Variants in HMGN5 observed in about 807,000 individuals in gnomAD.
The protein encoded by HMGN5 is high mobility group nucleosome binding domain 5, also known as high mobility group nucleosome-binding domain-containing protein 5.
A neutral mutation model predicts 9.5 loss-of-function variants in HMGN5; 4 were observed. The ratio of observed to expected loss-of-function variants is 0.42; its 90% confidence interval spans 0.21 to 0.96. HMGN5 has a LOEUF of 0.96. HMGN5 is among the 40% of genes least tolerant of loss of function. HMGN5 has a pLI of 0.30. For synonymous variants in HMGN5, 55 were observed against 57.1 expected, an observed-to-expected ratio of 0.96 and a Z score of 0.16; for missense variants, 192 against 187.5, an observed-to-expected ratio of 1.02 and a Z score of -0.14.
At chrX:81,136,705 C>T (rs1203033642) in intron 1 of HMGN5, among the ~76,000 whole-genome samples, 1 of 111,190 alleles carries the variant, frequency 9.0e-6, no homozygotes, top group Non-Finnish European at 1.9e-5. Flanking sequence ...TCTAACATAT[C>T]AATAATAACC....
chrX:81,179,394 C>G (rs1314971885), intron 1 of HMGN5, among the ~76,000 whole-genome samples: 1 of 111,471 alleles, frequency 9.0e-6, no homozygotes, highest in East Asian at 2.8e-4. Context: ...CACAAGCATT[C>G]TTATACACCA....
intron 1 of HMGN5, among the ~76,000 whole-genome samples, chrX:81,185,217 T>C (rs1429145938): frequency 8.9e-6 from 1 of 112,126 alleles, no homozygotes; most frequent in Non-Finnish European, 1.9e-5. Flanking sequence ...GCTATGAATA[T>C]TTTAACAATA....
At chrX:81,175,738 T>G (rs1417393237) in intron 1 of HMGN5, among the ~76,000 whole-genome samples, 1 of 111,424 alleles carries the variant, frequency 9.0e-6, no homozygotes, top group Non-Finnish European at 1.9e-5. Flanking sequence ...GGAGCATGCC[T>G]TTACCCCGTT....
intron 1 of HMGN5, among the ~76,000 whole-genome samples, chrX:81,139,867 G>T (rs1253991731): frequency 5.4e-5 from 6 of 112,140 alleles, no homozygotes; most frequent in Non-Finnish European, 9.4e-5. Context: ...CCTCATCACG[G>T]AGGGCTCCAG....
At chrX:81,200,255 G>T (rs1247633276) in intron 1 of HMGN5, among the ~76,000 whole-genome samples, 1 of 112,070 alleles carries the variant, frequency 8.9e-6, no homozygotes, top group Non-Finnish European at 1.9e-5. Context: ...CTTTTATACT[G>T]TTGGTGGGAG....
intron 1 of HMGN5, among the ~76,000 whole-genome samples, chrX:81,130,161 T>TA (rs2075294719): frequency 9.0e-6 from 1 of 111,067 alleles, no homozygotes; most frequent in Non-Finnish European, 1.9e-5. Flanking sequence ...GTCTGGAAGG[T>TA]AATGATCATA....
intron 1 of HMGN5, among the ~76,000 whole-genome samples, chrX:81,159,331 T>C (rs1298599329): frequency 9.0e-6 from 1 of 111,240 alleles, no homozygotes; most frequent in Non-Finnish European, 1.9e-5. Context: ...CAAACCACCA[T>C]GGCACACTTT....
chrX:81,183,737 G>A (rs1240272938), intron 1 of HMGN5, among the ~76,000 whole-genome samples: 2 of 112,911 alleles, frequency 1.8e-5, no homozygotes, highest in Non-Finnish European at 3.7e-5. Context: ...CCCTGGATGT[G>A]AGACATTGGT....
intron 1 of HMGN5, among the ~76,000 whole-genome samples, chrX:81,198,061 G>A (rs2075514315): frequency 9.0e-6 from 1 of 111,630 alleles, no homozygotes; most frequent in Non-Finnish European, 1.9e-5. Context: ...GCAAAGGCAT[G>A]AGAGTGATCA....
At chrX:81,143,707 T>C (rs1360975192) in intron 1 of HMGN5, among the ~76,000 whole-genome samples, 1 of 112,536 alleles carries the variant, frequency 8.9e-6, no homozygotes, top group African/African-American at 3.2e-5. Flanking sequence ...GGTGCCTGGC[T>C]TGGTGGGTCC....
chrX:81,158,692 G>T (rs754537269), intron 1 of HMGN5, among the ~76,000 whole-genome samples: 43 of 111,843 alleles, frequency 3.8e-4, no homozygotes, highest in Non-Finnish European at 3.8e-4. Flanking sequence ...GTCAATTTTT[G>T]CTTTTGTTGT....
At chrX:81,193,527 A>G (rs776346782) in intron 1 of HMGN5, among the ~76,000 whole-genome samples, 1 of 112,241 alleles carries the variant, frequency 8.9e-6, no homozygotes, top group African/African-American at 3.2e-5. Flanking sequence ...ATCTGTGAGT[A>G]TAATAAAATG....
In HMGN5 at chrX:81,121,453, CCAAA is replaced by C. The variant is rs2075268140; in HGVS notation, c.15+78_15+81del. The C allele has an allele frequency of 2.3e-5, 24 of 1,029,531 alleles. No homozygotes were observed. In the East Asian group the frequency reaches 5.8e-4, roughly 25 times the overall value. The allele number at this position is 1,029,531 out of a possible 1,213,427, so 84.8% of individuals were successfully genotyped here. ...AGAAGCCAAAAAGCTTTAAAAAAAA[CCAAA>C]CAAACAAATAAATTCTTCCTATTAG... On this transcript the variant is annotated intron_variant, in intron 2 of 6. Coordinates refer to ENST00000358130, the MANE Select transcript of HMGN5 (RefSeq NM_030763.3).
intron 6 of HMGN5, among the ~76,000 whole-genome samples, chrX:81,115,873 C>A (rs748397502): frequency 9.0e-6 from 1 of 111,536 alleles, no homozygotes; most frequent in Non-Finnish European, 1.9e-5. Flanking sequence ...ATCATAAATT[C>A]TGGAAAAGGG....
At chrX:81,150,708 A>T (rs887464769) in intron 1 of HMGN5, among the ~76,000 whole-genome samples, 1 of 112,431 alleles carries the variant, frequency 8.9e-6, no homozygotes, top group Non-Finnish European at 1.9e-5. Flanking sequence ...TTGAAAAGTT[A>T]AACCAAATTG....
At chrX:81,119,667 A>G in intron 3 of HMGN5, 121 bp downstream of exon 3, 1 of 539,573 alleles carries the variant, frequency 1.9e-6, no homozygotes, top group Non-Finnish European at 3.1e-6. Context: ...TCCCACTGGT[A>G]TACCATATTG....
chrX:81,116,292 G>A lies in HMGN5; in HGVS notation c.179C>T (p.Ala60Val), dbSNP rs1327982972. Residue 60 changes from alanine to valine, a missense_variant, in exon 6 of 7, where the codon GCC becomes GTC. By Grantham distance (64) the Ala-to-Val change is moderately conservative. Transcript: ENST00000358130. ...TTGCTTGGTTTCAGCAACTGCTTGG[G>A]CACTTGTATCTATGTTTTCTTCCAT... ...DMMEENIDTS[A>V]QAVAETKQEA... The A allele has an allele frequency of 1.3e-5, 15 of 1,187,966 alleles. No homozygotes were observed. In the Admixed American group the frequency reaches 2.6e-4, roughly 21 times the overall value.
chrX:81,151,267 A>C (rs182128666), intron 1 of HMGN5, among the ~76,000 whole-genome samples: 1 of 111,265 alleles, frequency 9.0e-6, no homozygotes, highest in African/African-American at 3.3e-5. Flanking sequence ...TAGATATGCG[A>C]CATTATTTCT....
intron 1 of HMGN5, among the ~76,000 whole-genome samples, chrX:81,142,678 A>G (rs1471169157): frequency 1.8e-5 from 2 of 112,117 alleles, no homozygotes; most frequent in Non-Finnish European, 3.8e-5. Context: ...GAAAAACAAA[A>G]GATGAGTGAT....
Sources: allele counts gnomAD v4.1 joint callset (sites outside exome capture counted in the v4.1 genomes callset), GRCh38; gene constraint gnomAD v4.1.1; transcripts MANE v1.5; gene names NCBI Gene and HGNC (gene_info 2026-07-23, HGNC 2026-07-21).